The following PIGL variants were observed in gnomAD, a reference collection of about 807,000 sequenced individuals.
PIGL encodes the protein phosphatidylinositol glycan anchor biosynthesis class L.
A neutral mutation model predicts 31.1 loss-of-function variants in PIGL; 22 were observed. The ratio of observed to expected loss-of-function variants is 0.71; its 90% CI spans 0.51 to 1.01. PIGL has a LOEUF of 1.01. PIGL is among the 50% of genes least tolerant of loss of function. PIGL has a pLI of 0.00. For synonymous variants in PIGL, 131 were observed against 117.4 expected (o/e 1.12, Z -0.75); for missense variants, 302 against 315.9 (o/e 0.96, Z 0.33).
In PIGL at chr17:16,237,805, C is replaced by CAAAA. The variant is rs57265734; in HGVS notation, c.335+3752_335+3755dup. ...ACAGAGTGAGATCCTGTCTCAAAAG[C>CAAAA]AAAAAAAAAAAAAAAAAAAATTGAA... On this transcript the variant is annotated intron_variant, in intron 2 of 6. Transcript: ENST00000225609. Among the ~76,000 whole-genome samples, 33 of 101,724 alleles carry CAAAA rather than the reference C, an allele frequency of 3.2e-4. 1 individual carries two copies. Among genetic ancestry groups the CAAAA allele is most frequent in the African/African-American group, 8.3e-4 (23 of 27,876 alleles). The allele number at this position is 101,724 out of a possible 152,430, so 66.7% of individuals were successfully genotyped here. A position where few individuals can be genotyped will look rare whatever the true frequency, so the allele number is the denominator to read the frequency against.
At chr17:16,226,247 C>T (rs887383216) in intron 1 of PIGL, among the ~76,000 whole-genome samples, 2 of 152,146 alleles carry the variant, frequency 1.3e-5, no homozygotes, top group Non-Finnish European at 2.9e-5. Context: ...TTTAGTACCT[C>T]ATTTGGAGGA....
At chr17:16,295,607 C>CAG (rs2092978380) in intron 2 of PIGL, among the ~76,000 whole-genome samples, 1 of 151,770 alleles carries the variant, frequency 6.6e-6, no homozygotes, top group Non-Finnish European at 1.5e-5. Context: ...GATTGTACCA[C>CAG]CGCATTCCAG....
At chr17:16,315,309 C>T (rs2093070595) in intron 4 of PIGL, among the ~76,000 whole-genome samples, 1 of 152,230 alleles carries the variant, frequency 6.6e-6, no homozygotes, top group Non-Finnish European at 1.5e-5. Flanking sequence ...CTGCTAAATT[C>T]GTTAGACTCA....
chr17:16,219,567 T>C (rs1720507039), intron 1 of PIGL, among the ~76,000 whole-genome samples: 1 of 152,028 alleles, frequency 6.6e-6, no homozygotes, highest in South Asian at 2.1e-4. Flanking sequence ...TGGGGGGTTT[T>C]TTGTTTAGTT....
chr17:16,325,107 A>G (rs1260481290), intron 6 of PIGL, among the ~76,000 whole-genome samples: 1 of 152,056 alleles, frequency 6.6e-6, no homozygotes, highest in Non-Finnish European at 1.5e-5. Flanking sequence ...GCACTTTGGG[A>G]GGCCGAGGTG....
chr17:16,270,920 G>A (rs1402167221), intron 2 of PIGL, among the ~76,000 whole-genome samples: 1 of 151,566 alleles, frequency 6.6e-6, no homozygotes, highest in Non-Finnish European at 1.5e-5. Flanking sequence ...AGGAAAAGTA[G>A]TCATGATCCC....
At chr17:16,235,905 T>G (rs2092698047) in intron 2 of PIGL, among the ~76,000 whole-genome samples, 1 of 152,080 alleles carries the variant, frequency 6.6e-6, no homozygotes. Context: ...AGTTGATCAG[T>G]GAGTTCAGAT....
rs771134622 is a variant in PIGL, at chr17:16,316,651, C to T, written c.495-30C>T. 4.3e-5 allele frequency: 67 copies of T among 1,572,560 alleles called. No individual in the cohort carries two copies. In the South Asian group the frequency reaches 7.2e-4, roughly 17 times the overall value. On this transcript the variant is annotated intron_variant, in intron 4 of 6. Coordinates refer to ENST00000225609, the MANE Select transcript of PIGL (RefSeq NM_004278.4). ...ACCTACAAAGGAAATGATCCTTACT[C>T]CTCTCACTCTTGTCCTATCCCTCCT...
At chr17:16,272,066 C>G (rs2092875563) in intron 2 of PIGL, among the ~76,000 whole-genome samples, 1 of 152,140 alleles carries the variant, frequency 6.6e-6, no homozygotes. Flanking sequence ...CTATTGGCAA[C>G]CCTAACCCCA....
chr17:16,229,515 G>T (rs2142660944), intron 1 of PIGL, among the ~76,000 whole-genome samples: 1 of 134,226 alleles, frequency 7.5e-6, no homozygotes, highest in African/African-American at 2.8e-5. Flanking sequence ...TATAATTGCT[G>T]AGACATATGG....
chr17:16,325,684 T>C, intron 6 of PIGL, 116 bp from the exon 7 acceptor site: 8 of 773,536 alleles, frequency 1.0e-5, no homozygotes, highest in Non-Finnish European at 1.8e-5. Flanking sequence ...CAGATAAGGC[T>C]ATAGCATGAA....
rs201714394 is a variant in PIGL, at chr17:16,245,818, A to ATT, written c.335+11749_335+11750insTT. On this transcript the variant is annotated intron_variant, in intron 2 of 6. Coordinates refer to ENST00000225609, the MANE Select transcript of PIGL (RefSeq NM_004278.4). Reference sequence around the variant, plus strand: ...TACACACACACACATATATATATATATATTTTTTTTTGAGACGGAGTCTCG... The same window carrying ATT: ...TACACACACACACATATATATATATATTTATTTTTTTTTGAGACGGAGTCTCG... Among the ~76,000 whole-genome samples, 933 of 112,806 alleles carry ATT rather than the reference A, an allele frequency of 8.3e-3. 14 individuals are homozygous for ATT. The highest frequency in any genetic ancestry group is 0.025 in the African/African-American group (743 of 30,306). The allele number at this position is 112,806 out of a possible 152,430, so 74.0% of individuals were successfully genotyped here.
In PIGL at chr17:16,217,256, G is replaced by A; in HGVS notation, c.30G>A (p.Ala10=). The A allele has an allele frequency of 6.2e-7, 1 of 1,614,192 alleles. No individual in the cohort carries two copies. The highest frequency in any genetic ancestry group is 2.2e-5 in the East Asian group (1 of 44,890). The change falls in exon 1 of 7, where the codon GCG becomes GCA. Residue 10 remains alanine (A), a synonymous_variant. Coordinates refer to ENST00000225609, the MANE Select transcript of PIGL (RefSeq NM_004278.4). MEAMWLLCV[A]LAVLAWGFLW... ...AAGCAATGTGGCTCCTGTGTGTGGCGTTGGCGGTCTTGGCATGGGGCTTCC... is the reference window on the plus strand; with the variant it reads ...AAGCAATGTGGCTCCTGTGTGTGGCATTGGCGGTCTTGGCATGGGGCTTCC...
At position 16,234,043 on chromosome 17, in the gene PIGL, T is replaced by TC. The variant is rs2092689679; in HGVS notation, c.309dup (p.Ser104LeufsTer7). ...AGCTGTGATGTTTTGGGGATTCCAC[T>TC]CTCCAGTGTAATGATTATTGACAAC... On this transcript the variant is annotated frameshift_variant, in exon 2 of 7. Transcript: ENST00000225609. LOFTEE classifies it high-confidence loss of function. 6.3e-7 allele frequency: 1 copy of TC among 1,596,440 alleles called. No homozygotes were observed. The highest frequency in any genetic ancestry group is 1.7e-5 in the Admixed American group (1 of 59,916).
chr17:16,259,740 G>C (rs570867618), intron 2 of PIGL, among the ~76,000 whole-genome samples: 1 of 152,136 alleles, frequency 6.6e-6, no homozygotes, highest in African/African-American at 2.4e-5. Flanking sequence ...GGGGACTGGT[G>C]GGGGAGTGGG....
At chr17:16,235,706 G>GC (rs1380308223) in intron 2 of PIGL, among the ~76,000 whole-genome samples, 1 of 149,792 alleles carries the variant, frequency 6.7e-6, no homozygotes, top group Non-Finnish European at 1.5e-5. Context: ...ACCTGCCTCG[G>GC]CCTCCCAAAG....
intron 2 of PIGL, among the ~76,000 whole-genome samples, chr17:16,247,064 C>T (rs1212697640): frequency 7.2e-5 from 11 of 152,126 alleles, no homozygotes; most frequent in Admixed American, 6.6e-4. Context: ...TCGCTATGTT[C>T]TCACATGCTG....
intron 2 of PIGL, among the ~76,000 whole-genome samples, chr17:16,263,007 A>G (rs1339344057): frequency 1.3e-5 from 2 of 151,852 alleles, no homozygotes; most frequent in Non-Finnish European, 2.9e-5. Flanking sequence ...TGCCCAGAAG[A>G]AGCAAATCCA....
At chr17:16,238,195 CA>C (rs529480311) in intron 2 of PIGL, among the ~76,000 whole-genome samples, 671 of 57,566 alleles carry the variant, frequency 0.012, 5 homozygotes, top group African/African-American at 0.033. Context: ...GACTCCGTCT[CA>C]AAAAAAAAAA....
Sources: gnomAD v4.1 joint callset for allele counts (sites outside exome capture counted in the v4.1 genomes callset) on GRCh38, gnomAD v4.1.1 for gene constraint, MANE v1.5 for transcripts, NCBI Gene and HGNC (gene_info 2026-07-23, HGNC 2026-07-21) for gene names.